The following PCDHGB7 variants were observed in gnomAD, a reference collection of about 807,000 sequenced individuals.
PCDHGB7 encodes the protein protocadherin gamma subfamily B, 7.
PCDHGB7 carries 37 observed loss-of-function variants against 61.4 expected under a neutral mutation model. The observed-to-expected ratio is 0.60, with a 90% CI of 0.46 to 0.79. The LOEUF (loss-of-function observed/expected upper bound fraction) is 0.79. PCDHGB7 is among the 30% of genes least tolerant of loss of function. The pLI is 0.00. For synonymous variants in PCDHGB7, 464 were observed against 503.5 expected, an observed-to-expected ratio of 0.92 and a Z score of 1.05; for missense variants, 1,166 against 1,202.5, an observed-to-expected ratio of 0.97 and a Z score of 0.45.
chr5:141,471,046 C>CTTTT (rs1170588345), intron 1 of PCDHGB7, among the ~76,000 whole-genome samples: 3 of 113,278 alleles, frequency 2.6e-5, no homozygotes, highest in African/African-American at 7.1e-5. Flanking sequence ...CCCAAGCCCT[C>CTTTT]TTTTTTTTTT....
chr5:141,489,635 G>T lies in PCDHGB7; in HGVS notation c.2416-5172G>T, dbSNP rs1380466520. On this transcript the variant is annotated intron_variant, in intron 1 of 3. Coordinates refer to ENST00000398594, the MANE Select transcript of PCDHGB7 (RefSeq NM_018927.4). This position sits in a 1 kb window ranked among gnomAD's most constrained non-coding sequence, Gnocchi z 4.5. ...CTGGATCTCAATGACAACTCTCCTA[G>T]CTTTGCCACCCCTGAGCGAGAGATG... 1.2e-6 allele frequency: 2 copies of T among 1,614,024 alleles called. No homozygotes were observed. The highest frequency in any genetic ancestry group is 2.7e-5 in the African/African-American group (2 of 74,908).
chr5:141,432,196 C>G lies in PCDHGB7; in HGVS notation c.2415+11922C>G, dbSNP rs200790843. ...TCGTCTCTGTGACCGCCCACGACCC[C>G]GACTGTGAAGAGAACGCCCAGATCA... On this transcript the variant is annotated intron_variant, in intron 1 of 3. Transcript: ENST00000398594. The surrounding 1 kb of genome is among the most constrained non-coding windows in gnomAD (Gnocchi z 6.0). The G allele has an allele frequency of 6.2e-7, 1 of 1,614,192 alleles. No individual in the cohort carries two copies. Among genetic ancestry groups the G allele is most frequent in the East Asian group, 2.2e-5 (1 of 44,880 alleles).
At chr5:141,464,251 C>G (rs1438610569) in intron 1 of PCDHGB7, among the ~76,000 whole-genome samples, 1 of 141,396 alleles carries the variant, frequency 7.1e-6, no homozygotes, top group African/African-American at 2.7e-5. Context: ...GGCTACAGAG[C>G]GAGACTCCGT....
Position 141,490,975 on chromosome 5 carries a change from C to T in PCDHGB7, c.2416-3832C>T. 1 of 1,614,056 alleles carries T rather than the reference C, an allele frequency of 6.2e-7. No individual in the cohort carries two copies. Among genetic ancestry groups the T allele is most frequent in the African/African-American group, 1.3e-5 (1 of 75,070 alleles). ...CTGGGAACACTCAGCCCCCCAGCGT[C>T]TCCCTCGCTCTGCTCCTCCTGGCTC... On this transcript the variant is annotated intron_variant, in intron 1 of 3. Coordinates refer to ENST00000398594, the MANE Select transcript of PCDHGB7 (RefSeq NM_018927.4). This position sits in a 1 kb window ranked among gnomAD's most constrained non-coding sequence, Gnocchi z 5.4.
chr5:141,431,932 C>T lies in PCDHGB7; in HGVS notation c.2415+11658C>T. 2 of 1,614,172 alleles carry T rather than the reference C, an allele frequency of 1.2e-6. No individual in the cohort carries two copies. The highest frequency in any genetic ancestry group is 1.7e-6 in the Non-Finnish European group (2 of 1,180,002). On this transcript the variant is annotated intron_variant, in intron 1 of 3. Coordinates refer to ENST00000398594, the MANE Select transcript of PCDHGB7 (RefSeq NM_018927.4). This position sits in a 1 kb window ranked among gnomAD's most constrained non-coding sequence, Gnocchi z 4.8. The stretch of plus-strand genomic sequence containing the variant: ...TCTGTTTCATCCAAGGAAATCTGCC[C>T]TTTAAATTAGAAAAATCTTACGGAA...
At chr5:141,424,577 A>T (rs958508704) in intron 1 of PCDHGB7, 1 of 152,206 alleles carries the variant, frequency 6.6e-6, no homozygotes, top group Non-Finnish European at 1.5e-5. Context: ...ACCTATTTTC[A>T]AATGTGCTAA....
At chr5:141,461,826 T>G (rs1466528519) in intron 1 of PCDHGB7, among the ~76,000 whole-genome samples, 2 of 151,912 alleles carry the variant, frequency 1.3e-5, no homozygotes, top group Non-Finnish European at 1.5e-5. Flanking sequence ...GCTAATTTTT[T>G]TTTCTTTTTT....
chr5:141,495,465 G>T (rs563411010), intron 2 of PCDHGB7, among the ~76,000 whole-genome samples: 11 of 152,298 alleles, frequency 7.2e-5, no homozygotes, highest in African/African-American at 2.4e-4. Flanking sequence ...TGTCTGTGGG[G>T]TCTCCGTGTC....
chr5:141,449,718 G>A (rs2098653155), intron 1 of PCDHGB7, among the ~76,000 whole-genome samples: 2 of 150,760 alleles, frequency 1.3e-5, no homozygotes, highest in Admixed American at 6.6e-5. Flanking sequence ...ATTTTTATAT[G>A]ATATGATTTT....
chr5:141,419,426 G>C lies in PCDHGB7; in HGVS notation c.1567G>C (p.Glu523Gln). The stretch of plus-strand genomic sequence containing the variant: ...GTTCGCGCAGCGCGCCTTCGACCAC[G>C]AGCAGCTGCGCACCTTCGAGCTCAC... ...VVFAQRAFDH[E>Q]QLRTFELTLQ... The change falls in exon 1 of 4, where the codon GAG (glutamate) becomes CAG (glutamine). Residue 523 changes from glutamate to glutamine, a missense_variant. By Grantham distance (29) the Glu-to-Gln change is conservative. Coordinates refer to ENST00000398594, the MANE Select transcript of PCDHGB7 (RefSeq NM_018927.4). 6.2e-7 allele frequency: 1 copy of C among 1,613,312 alleles called. No homozygotes were observed. Among genetic ancestry groups the C allele is most frequent in the Non-Finnish European group, 8.5e-7 (1 of 1,179,850 alleles).
chr5:141,474,962 A>G (rs954703806), intron 1 of PCDHGB7, among the ~76,000 whole-genome samples: 3 of 152,256 alleles, frequency 2.0e-5, no homozygotes, highest in Non-Finnish European at 4.4e-5. Flanking sequence ...CACTATCCTA[A>G]TCATTATAAT....
intron 1 of PCDHGB7, among the ~76,000 whole-genome samples, chr5:141,436,221 G>C (rs1468526543): frequency 6.6e-6 from 1 of 152,004 alleles, no homozygotes; most frequent in African/African-American, 2.4e-5. Context: ...CAAATGACTT[G>C]GGAAACTAAG....
intron 1 of PCDHGB7, among the ~76,000 whole-genome samples, chr5:141,483,767 T>C (rs2099586826): frequency 6.6e-6 from 1 of 151,840 alleles, no homozygotes; most frequent in Non-Finnish European, 1.5e-5. Flanking sequence ...CTTGGAAAAA[T>C]ATTGGGGAAG....
At chr5:141,426,487 G>A (rs999549044) in intron 1 of PCDHGB7, 2 of 333,788 alleles carry the variant, frequency 6.0e-6, no homozygotes, top group African/African-American at 4.3e-5. Context: ...AAACCTTAGA[G>A]TTAGTGCAGA....
intron 1 of PCDHGB7, among the ~76,000 whole-genome samples, chr5:141,460,270 C>T (rs1223096441): frequency 6.6e-6 from 1 of 151,828 alleles, no homozygotes; most frequent in Non-Finnish European, 1.5e-5. Context: ...TTTATTTTTT[C>T]TTTTATAGTT....
In PCDHGB7 at chr5:141,485,179, C is replaced by G. The variant is rs1405000217; in HGVS notation, c.2416-9628C>G. The G allele has an allele frequency of 1.2e-6, 2 of 1,612,648 alleles. No homozygotes were observed. Among genetic ancestry groups the G allele is most frequent in the African/African-American group, 2.7e-5 (2 of 74,924 alleles). ...AGAATTAGCGGGCGGCAGCAATGCT[C>G]CGCAAGGTGAGAAGCTGGACAGAAA... is the stretch of plus-strand genomic sequence containing the variant. On this transcript the variant is annotated intron_variant, in intron 1 of 3. Transcript: ENST00000398594. This position sits in a 1 kb window ranked among gnomAD's most constrained non-coding sequence, Gnocchi z 5.7.
At chr5:141,445,357 G>A (rs115045385) in intron 1 of PCDHGB7, among the ~76,000 whole-genome samples, 18 of 152,258 alleles carry the variant, frequency 1.2e-4, no homozygotes, top group Admixed American at 1.1e-3. Context: ...GTCTGCCCAA[G>A]TCTGGTCCTG....
At chr5:141,481,229 A>T (rs989963485) in intron 1 of PCDHGB7, among the ~76,000 whole-genome samples, 1 of 152,212 alleles carries the variant, frequency 6.6e-6, no homozygotes, top group Non-Finnish European at 1.5e-5. Flanking sequence ...TCCCAGCCTT[A>T]AAGTATTACA....
intron 1 of PCDHGB7, among the ~76,000 whole-genome samples, chr5:141,437,668 G>T (rs72790049): frequency 3.1e-4 from 47 of 151,868 alleles, no homozygotes; most frequent in Non-Finnish European, 6.0e-4. Context: ...TCGAAGAGAT[G>T]TTGATCAAAC....
Sources: allele counts gnomAD v4.1 joint callset (sites outside exome capture counted in the v4.1 genomes callset), GRCh38; gene constraint gnomAD v4.1.1; non-coding constraint Gnocchi (gnomAD v3.1); transcripts MANE v1.5; gene names NCBI Gene and HGNC (gene_info 2026-07-23, HGNC 2026-07-21).